CD2AP: variants seen among roughly 807,000 people sequenced by gnomAD.
CD2AP encodes CD2 associated protein, also known as CD2-associated protein.
CD2AP carries 46 observed loss-of-function variants against 85.1 expected under a neutral mutation model. The ratio of observed to expected loss-of-function variants is 0.54; its 90% CI spans 0.43 to 0.69. The LOEUF is 0.69. Ranked by LOEUF, CD2AP falls within the 30% of genes least tolerant of loss-of-function variation. The probability of loss-of-function intolerance (pLI) is 0.00; values close to 1 mark genes in which losing one functional copy is unlikely to be tolerated. For synonymous variants in CD2AP, 255 were observed against 252.9 expected, an observed-to-expected ratio of 1.01 and a Z score of -0.08; for missense variants, 769 against 729.5, an observed-to-expected ratio of 1.05 and a Z score of -0.62.
At chr6:47,497,456 C>T (rs1041662401) in intron 1 of CD2AP, among the ~76,000 whole-genome samples, 3 of 151,452 alleles carry the variant, frequency 2.0e-5, no homozygotes, top group South Asian at 2.1e-4. Context: ...TGCAGTGGTG[C>T]GATCTCTGCT....
intron 12 of CD2AP, among the ~76,000 whole-genome samples, chr6:47,598,590 A>C (rs1389786575): frequency 6.6e-6 from 1 of 151,044 alleles, no homozygotes. Flanking sequence ...GATGGAAAAA[A>C]TGGCATTCAC....
rs758123465 is a variant in CD2AP, at chr6:47,478,237, C to T, written c.-8C>T. On this transcript the variant is annotated 5_prime_UTR_variant, in exon 1 of 18. Transcript: ENST00000359314. ...GGACGTCGGCTTCTCCCCGCGGGAG[C>T]CCCCAGCATGGGTAAGAGACTCGGG... is the stretch of plus-strand genomic sequence containing the variant. 1.3e-6 allele frequency: 2 copies of T among 1,571,206 alleles called. No homozygotes were observed. Among genetic ancestry groups the T allele is most frequent in the Non-Finnish European group, 1.7e-6 (2 of 1,158,834 alleles).
chr6:47,556,376 A>C (rs915389266), intron 5 of CD2AP, among the ~76,000 whole-genome samples: 4 of 142,168 alleles, frequency 2.8e-5, no homozygotes, highest in African/African-American at 7.8e-5. Context: ...CCTCCAAAGG[A>C]CATGAACTCA....
chr6:47,532,073 C>CA (rs36046942), intron 2 of CD2AP, among the ~76,000 whole-genome samples: 39,530 of 145,672 alleles, frequency 0.27, 5,328 homozygotes, highest in African/African-American at 0.32. Context: ...GACTCCTTCT[C>CA]AAAAAAAAAA....
At chr6:47,499,686 A>G (rs545138980) in intron 1 of CD2AP, among the ~76,000 whole-genome samples, 46 of 152,290 alleles carry the variant, frequency 3.0e-4, no homozygotes, top group African/African-American at 1.0e-3. Context: ...TAATAAATGA[A>G]TAAAAAGCTA....
intron 2 of CD2AP, among the ~76,000 whole-genome samples, chr6:47,512,055 G>A (rs1766328621): frequency 6.6e-6 from 1 of 152,142 alleles, no homozygotes; most frequent in Non-Finnish European, 1.5e-5. Flanking sequence ...CTACTTGGGA[G>A]GCTGAGGCAG....
At chr6:47,503,063 G>A (rs979717503) in intron 1 of CD2AP, among the ~76,000 whole-genome samples, 1 of 152,066 alleles carries the variant, frequency 6.6e-6, no homozygotes, top group Non-Finnish European at 1.5e-5. Context: ...TTCTTTTGAG[G>A]CTCCCACTTA....
chr6:47,535,185 T>C (rs1767000348), intron 3 of CD2AP, among the ~76,000 whole-genome samples: 1 of 152,222 alleles, frequency 6.6e-6, no homozygotes, highest in Admixed American at 6.5e-5. Flanking sequence ...ATGTAGGAGT[T>C]ATTACTATCC....
intron 4 of CD2AP, among the ~76,000 whole-genome samples, chr6:47,546,324 G>C (rs1767363747): frequency 6.6e-6 from 1 of 151,940 alleles, no homozygotes; most frequent in South Asian, 2.1e-4. Flanking sequence ...AAGAAAATAT[G>C]AACCAAGCCC....
At chr6:47,594,263 G>A (rs1054300514) in intron 11 of CD2AP, among the ~76,000 whole-genome samples, 15 of 151,984 alleles carry the variant, frequency 9.9e-5, no homozygotes, top group African/African-American at 2.7e-4. Context: ...TTTTAATTTT[G>A]TGTTATGTAA....
chr6:47,575,801 C>T (rs939749635), intron 6 of CD2AP, among the ~76,000 whole-genome samples: 6 of 151,940 alleles, frequency 3.9e-5, no homozygotes, highest in African/African-American at 1.4e-4. Flanking sequence ...ATAAGATTAC[C>T]TGAATCATTT....
intron 8 of CD2AP, 21 bp downstream of exon 8, chr6:47,577,124 A>G: frequency 8.6e-7 from 1 of 1,166,826 alleles, no homozygotes; most frequent in Non-Finnish European, 1.3e-6. Flanking sequence ...TCTGTTTTTC[A>G]GTGAATTGCT....
chr6:47,582,793 TTG>T (rs67325630), intron 11 of CD2AP, among the ~76,000 whole-genome samples: 39,317 of 138,354 alleles, frequency 0.28, 5,274 homozygotes, highest in African/African-American at 0.34. Context: ...TTTTTTTGTT[TTG>T]TTTTTTTTTT....
At chr6:47,478,548 T>A (rs541978312) in intron 1 of CD2AP, among the ~76,000 whole-genome samples, 3 of 152,312 alleles carry the variant, frequency 2.0e-5, no homozygotes, top group Non-Finnish European at 2.9e-5. Context: ...GCTAACCCCT[T>A]GCCCAGCTAA....
chr6:47,545,664 A>G (rs927300951), intron 4 of CD2AP, among the ~76,000 whole-genome samples: 2 of 152,206 alleles, frequency 1.3e-5, no homozygotes, highest in Admixed American at 1.3e-4. Context: ...ATCCACGGCT[A>G]AGAGACCCAC....
At chr6:47,514,252 G>T (rs1052707889) in intron 2 of CD2AP, among the ~76,000 whole-genome samples, 1 of 152,124 alleles carries the variant, frequency 6.6e-6, no homozygotes, top group African/African-American at 2.4e-5. Flanking sequence ...CACTTGGAAA[G>T]ATATGAATAG....
At chr6:47,539,490 A>G (rs956233709) in intron 3 of CD2AP, among the ~76,000 whole-genome samples, 5 of 152,260 alleles carry the variant, frequency 3.3e-5, no homozygotes, top group Admixed American at 6.5e-5. Flanking sequence ...TGTATGAGCT[A>G]TGTCAAAGTA....
chr6:47,538,563 T>A (rs1417355028), intron 3 of CD2AP, among the ~76,000 whole-genome samples: 2 of 152,198 alleles, frequency 1.3e-5, no homozygotes, highest in Non-Finnish European at 2.9e-5. Flanking sequence ...AACTTTATTT[T>A]AAAAATTGAC....
At chr6:47,584,143 A>G (rs1021943954) in intron 11 of CD2AP, among the ~76,000 whole-genome samples, 14 of 152,054 alleles carry the variant, frequency 9.2e-5, no homozygotes, top group African/African-American at 2.7e-4. Flanking sequence ...TTGTATAGCA[A>G]TCCTTTAGTA....
Sources: allele counts gnomAD v4.1 joint callset (sites outside exome capture counted in the v4.1 genomes callset), GRCh38; gene constraint gnomAD v4.1.1; transcripts MANE v1.5; gene names NCBI Gene and HGNC (gene_info 2026-07-23, HGNC 2026-07-21).